SINHCAF: variants seen among roughly 807,000 people sequenced by gnomAD.
The protein encoded by SINHCAF is SIN3-HDAC complex-associated factor.
Under a neutral mutation model 25.8 loss-of-function variants are expected in SINHCAF, and 3 were observed. The ratio of observed to expected loss-of-function variants is 0.12; its 90% CI spans 0.05 to 0.30. The LOEUF (loss-of-function observed/expected upper bound fraction) is 0.30. SINHCAF is among the 10% of genes least tolerant of loss of function. The pLI is 1.00. For missense variants in SINHCAF, 121 were observed against 262.3 expected (o/e 0.46, Z 3.72); for synonymous variants, 70 against 85.5 (o/e 0.82, Z 1.00).
chr12:31,285,412 T>TACACAC (rs1259370271), intron 5 of SINHCAF, among the ~76,000 whole-genome samples: 45 of 66,466 alleles, frequency 6.8e-4, no homozygotes, highest in African/African-American at 3.5e-3. Context: ...TATTTATATA[T>TACACAC]ATACATACAC....
chr12:31,323,507 A>G, intron 1 of SINHCAF, among the ~76,000 whole-genome samples: 1 of 152,226 alleles, frequency 6.6e-6, no homozygotes, highest in Admixed American at 6.5e-5. Context: ...TGTCTCGGAT[A>G]GGGTCCCTGT....
intron 1 of SINHCAF, among the ~76,000 whole-genome samples, chr12:31,319,941 G>A (rs535198632): frequency 2.0e-5 from 3 of 152,264 alleles, no homozygotes; most frequent in African/African-American, 7.2e-5. Flanking sequence ...CAACTTGGAA[G>A]CCAACTGAGC....
At chr12:31,285,528 C>G (rs1020922530) in intron 5 of SINHCAF, among the ~76,000 whole-genome samples, 1 of 151,238 alleles carries the variant, frequency 6.6e-6, no homozygotes, top group Admixed American at 6.6e-5. Context: ...TATTTTACTA[C>G]ATTATTTTAT....
intron 1 of SINHCAF, 105 bp from the exon 2 acceptor site, chr12:31,298,329 T>C (rs1565494918): frequency 7.4e-7 from 1 of 1,345,528 alleles, no homozygotes; most frequent in Non-Finnish European, 1.0e-6. Context: ...TGGTGTTATA[T>C]GACCAAGACA....
intron 1 of SINHCAF, among the ~76,000 whole-genome samples, chr12:31,309,031 G>T (rs1197185391): frequency 2.0e-5 from 3 of 151,460 alleles, no homozygotes; most frequent in Non-Finnish European, 2.9e-5. Context: ...GGCAGGCTGA[G>T]GCAGGAGAAT....
Position 31,295,348 on chromosome 12 carries a change from A to T in SINHCAF, c.129-15T>A, listed in dbSNP as rs747031439. The T allele has an allele frequency of 1.3e-6, 2 of 1,544,650 alleles. No individual in the cohort carries two copies. The highest frequency in any genetic ancestry group is 1.8e-6 in the Non-Finnish European group (2 of 1,121,064). Reference sequence around the variant, plus strand: ...TCTCATGCAATCTGATAAGAAAACAATCAAACCTTTATCAGTCTCCCTTAC... The same window carrying T: ...TCTCATGCAATCTGATAAGAAAACATTCAAACCTTTATCAGTCTCCCTTAC... On this transcript the variant is annotated splice_polypyrimidine_tract_variant and intron_variant, in intron 2 of 5. Coordinates refer to ENST00000337682, the MANE Select transcript of SINHCAF (RefSeq NM_001135812.2).
intron 1 of SINHCAF, 60 bp from the exon 2 acceptor site, chr12:31,298,284 G>C: frequency 3.1e-6 from 5 of 1,594,134 alleles, no homozygotes; most frequent in Non-Finnish European, 4.3e-6. Flanking sequence ...AACCATTAAA[G>C]AGTTCTCTCT....
rs183729686 is a variant in SINHCAF at position 31,308,675 on chromosome 12, A to G, written c.-20-10451T>C. Among the ~76,000 whole-genome samples the G allele has an allele frequency of 8.4e-4, 128 of 152,298 alleles. 2 individuals are homozygous for G. The highest frequency in any genetic ancestry group is 2.7e-3 in the African/African-American group (112 of 41,558). ...AGAGAAGTCCGAGTCTGCTAAATTC[A>G]TATTTCAGTATTTGGGAAAAGTAAG... On this transcript the variant is annotated intron_variant, in intron 1 of 5. Transcript: ENST00000337682.
At chr12:31,298,870 T>C (rs1938657237) in intron 1 of SINHCAF, among the ~76,000 whole-genome samples, 1 of 152,174 alleles carries the variant, frequency 6.6e-6, no homozygotes, top group South Asian at 2.1e-4. Flanking sequence ...TAATTCCTTA[T>C]TATCATTAAG....
chr12:31,301,408 A>T (rs1250587641), intron 1 of SINHCAF, among the ~76,000 whole-genome samples: 1 of 152,226 alleles, frequency 6.6e-6, no homozygotes, highest in Non-Finnish European at 1.5e-5. Context: ...CTGCCTGAAC[A>T]TCTGAGAGGG....
intron 1 of SINHCAF, among the ~76,000 whole-genome samples, chr12:31,310,954 C>G (rs965052168): frequency 6.6e-6 from 1 of 151,546 alleles, no homozygotes; most frequent in Non-Finnish European, 1.5e-5. Flanking sequence ...ATTGCAACCT[C>G]CGCCTCTGAG....
intron 2 of SINHCAF, 87 bp downstream of exon 2, chr12:31,297,990 T>C: frequency 1.6e-6 from 2 of 1,286,836 alleles, no homozygotes; most frequent in South Asian, 1.3e-5. Flanking sequence ...TATTAGCACA[T>C]TGTTCCAATC....
At chr12:31,296,730 C>T (rs1938564462) in intron 2 of SINHCAF, among the ~76,000 whole-genome samples, 2 of 152,028 alleles carry the variant, frequency 1.3e-5, no homozygotes, top group Admixed American at 1.3e-4. Context: ...TAGTACATGC[C>T]TGTAGTCCCA....
At chr12:31,298,261 G>A in intron 1 of SINHCAF, 37 bp from the exon 2 acceptor site, 2 of 1,608,736 alleles carry the variant, frequency 1.2e-6, no homozygotes, top group Non-Finnish European at 1.7e-6. Flanking sequence ...CTTTGTTGAG[G>A]GCTGTAACAA....
intron 1 of SINHCAF, among the ~76,000 whole-genome samples, chr12:31,316,472 G>A (rs1939500355): frequency 1.3e-5 from 2 of 152,150 alleles, no homozygotes; most frequent in East Asian, 1.9e-4. Context: ...TGGTGCTGAT[G>A]AGTCAAGAAA....
intron 4 of SINHCAF, 60 bp from the exon 5 acceptor site, chr12:31,287,844 T>C (rs982755667): frequency 5.4e-6 from 7 of 1,301,842 alleles, no homozygotes; most frequent in Non-Finnish European, 7.5e-6. Flanking sequence ...TAATTGCAAC[T>C]AAACCTCAGC....
intron 1 of SINHCAF, among the ~76,000 whole-genome samples, chr12:31,314,150 G>A (rs1257848793): frequency 2.0e-5 from 3 of 151,894 alleles, no homozygotes; most frequent in Non-Finnish European, 4.4e-5. Context: ...CGTGTTTCCT[G>A]TCACAGTCTA....
chr12:31,322,170 T>G (rs1022189257), intron 1 of SINHCAF, among the ~76,000 whole-genome samples: 1 of 152,222 alleles, frequency 6.6e-6, no homozygotes, highest in Admixed American at 6.5e-5. Context: ...AGACCTTGTC[T>G]GTGGGTCTTT....
At chr12:31,300,498 AGAGGAAGAAAAAT>A (rs1432044867) in intron 1 of SINHCAF, among the ~76,000 whole-genome samples, 1 of 152,214 alleles carries the variant, frequency 6.6e-6, no homozygotes, top group Non-Finnish European at 1.5e-5. Flanking sequence ...GATGTCTTTG[AGAGGAAGAAAAAT>A]GAGGAAGTAC....
Sources: allele counts gnomAD v4.1 joint callset (sites outside exome capture counted in the v4.1 genomes callset), GRCh38; gene constraint gnomAD v4.1.1; transcripts MANE v1.5; gene names NCBI Gene and HGNC (gene_info 2026-07-23, HGNC 2026-07-21).